SSPN: variants seen among roughly 807,000 people sequenced by gnomAD.
SSPN encodes the protein K-ras oncogene-associated protein.
In SSPN, 15 loss-of-function variants were observed where a neutral mutation model predicts 19.1. The observed-to-expected ratio is 0.78, with a 90% CI of 0.52 to 1.21. SSPN has a LOEUF of 1.21. Among genes scored for constraint, SSPN ranks in the 50% most tolerant of loss-of-function variants. The pLI is 0.00. For synonymous variants in SSPN, 147 were observed against 140.3 expected, an observed-to-expected ratio of 1.05 and a Z score of -0.34; for missense variants, 291 against 314.0, an observed-to-expected ratio of 0.93 and a Z score of 0.55.
At chr12:26,122,593 CG>C in intron 1 of SSPN, 1 of 1,115,322 alleles carries the variant, frequency 9.0e-7, no homozygotes, top group Non-Finnish European at 1.1e-6. Flanking sequence ...GCGGCAGGGT[CG>C]GGCCCCAGAA....
intron 1 of SSPN, chr12:26,125,388 GC>G (rs1944355631): frequency 6.0e-6 from 1 of 167,324 alleles, no homozygotes; most frequent in African/African-American, 2.4e-5. Context: ...TGTGAACGTG[GC>G]TTTTTGCTTT....
rs35687239 is a variant in SSPN at position 26,138,656 on chromosome 12, A to G, written c.-31+16504A>G. Among the ~76,000 whole-genome samples, 4 of 152,140 alleles carry G rather than the reference A, an allele frequency of 2.6e-5. No homozygotes were observed. In the South Asian group the frequency reaches 6.2e-4, roughly 24 times the overall value. ...CATGTTAGTGACTATCACATTGCACAAGGAAAGTCTAGATGCTTTTATTAG... is the reference window on the plus strand; with the variant it reads ...CATGTTAGTGACTATCACATTGCACGAGGAAAGTCTAGATGCTTTTATTAG... On this transcript the variant is annotated intron_variant, in intron 1 of 2. Transcript: ENST00000538142.
chr12:26,127,416 C>T (rs1355883046), intron 1 of SSPN, among the ~76,000 whole-genome samples: 1 of 152,158 alleles, frequency 6.6e-6, no homozygotes, highest in African/African-American at 2.4e-5. Flanking sequence ...ACACATGAAG[C>T]TTTTTTCTGT....
At chr12:26,122,483 C>T (rs1430536996) in intron 1 of SSPN, 2 of 1,331,952 alleles carry the variant, frequency 1.5e-6, no homozygotes, top group African/African-American at 1.5e-5. Flanking sequence ...AGAAGGGGGC[C>T]GCGGCGGCCG....
At chr12:26,130,992 A>G (rs1019286719) in intron 1 of SSPN, among the ~76,000 whole-genome samples, 1 of 151,964 alleles carries the variant, frequency 6.6e-6, no homozygotes, top group African/African-American at 2.4e-5. Flanking sequence ...CCACAGCAAT[A>G]TAGGGGTTCT....
At chr12:26,226,867 A>G (rs539685978) in intron 2 of SSPN, among the ~76,000 whole-genome samples, 1 of 152,176 alleles carries the variant, frequency 6.6e-6, no homozygotes, top group African/African-American at 2.4e-5. Context: ...AGGTAATTAA[A>G]TTGGAGCAGA....
At chr12:26,210,310 T>C (rs1190877560) in intron 1 of SSPN, among the ~76,000 whole-genome samples, 3 of 152,106 alleles carry the variant, frequency 2.0e-5, no homozygotes, top group African/African-American at 4.8e-5. Context: ...AATATACTAA[T>C]AATACACCTA....
chr12:26,128,695 AG>A (rs1944380606), intron 1 of SSPN, among the ~76,000 whole-genome samples: 1 of 152,360 alleles, frequency 6.6e-6, no homozygotes, highest in South Asian at 2.1e-4. Flanking sequence ...TCCTGCTGAA[AG>A]CCAAGAAGAT....
intron 1 of SSPN, among the ~76,000 whole-genome samples, chr12:26,137,654 A>ATT (rs1269817874): frequency 2.2e-4 from 12 of 55,034 alleles, no homozygotes; most frequent in East Asian, 4.6e-4. Flanking sequence ...ATATATATAT[A>ATT]TATTTTTTTT....
Position 26,231,105 on chromosome 12 carries a change from T to G in SSPN, c.*29T>G, listed in dbSNP as rs774592083. The G allele has an allele frequency of 6.3e-6, 10 of 1,593,838 alleles. No individual in the cohort carries two copies. In the Admixed American group the frequency reaches 1.7e-4, roughly 27 times the overall value. On this transcript the variant is annotated 3_prime_UTR_variant, in exon 3 of 3. Transcript: ENST00000242729. Reference sequence around the variant, plus strand: ...TCTTGCTCAAAGTTGCGAGAGAAAGTAGCACATGGAGTAGCTGAGGTTAAA... The same window carrying G: ...TCTTGCTCAAAGTTGCGAGAGAAAGGAGCACATGGAGTAGCTGAGGTTAAA...
At chr12:26,211,233 A>G (rs1944982814) in intron 1 of SSPN, 1 of 152,200 alleles carries the variant, frequency 6.6e-6, no homozygotes, top group Admixed American at 6.5e-5. Context: ...TATAACTGCA[A>G]GAATTCCCAG....
intron 1 of SSPN, among the ~76,000 whole-genome samples, chr12:26,184,541 C>T (rs1328845290): frequency 6.6e-6 from 1 of 152,164 alleles, no homozygotes; most frequent in Non-Finnish European, 1.5e-5. Context: ...TTTTTATTTA[C>T]ATACATCTGA....
At chr12:26,200,998 G>A (rs1944871844) in intron 1 of SSPN, among the ~76,000 whole-genome samples, 1 of 81,748 alleles carries the variant, frequency 1.2e-5, no homozygotes, top group East Asian at 3.0e-4. Flanking sequence ...TCTGGCAAAA[G>A]AAGTTAATTT....
At chr12:26,183,478 T>C (rs7958409) in intron 1 of SSPN, among the ~76,000 whole-genome samples, 41,223 of 152,120 alleles carry the variant, frequency 0.27, 5,804 homozygotes, top group East Asian at 0.35. Context: ...AATGAATATA[T>C]GGAAATCTGA....
chr12:26,138,808 G>T (rs887597920), intron 1 of SSPN, among the ~76,000 whole-genome samples: 1 of 151,846 alleles, frequency 6.6e-6, no homozygotes, highest in Non-Finnish European at 1.5e-5. Flanking sequence ...ATCAATGATC[G>T]AGCATAAATT....
intron 1 of SSPN, among the ~76,000 whole-genome samples, chr12:26,175,668 C>T (rs1944678993): frequency 1.3e-5 from 2 of 152,054 alleles, no homozygotes; most frequent in South Asian, 4.1e-4. Flanking sequence ...AATAAACCAA[C>T]ATTTGAAAAA....
At chr12:26,225,195 A>G (rs1431362125) in intron 2 of SSPN, among the ~76,000 whole-genome samples, 1 of 152,016 alleles carries the variant, frequency 6.6e-6, no homozygotes, top group Non-Finnish European at 1.5e-5. Context: ...TTTTTTGTTC[A>G]CTACAATGAG....
chr12:26,151,142 T>A (rs1398646797), intron 1 of SSPN, among the ~76,000 whole-genome samples: 3 of 152,200 alleles, frequency 2.0e-5, no homozygotes, highest in Non-Finnish European at 2.9e-5. Context: ...TGACTGTTCC[T>A]TCTCTCAGAG....
At chr12:26,200,513 C>G (rs1361519319) in intron 1 of SSPN, among the ~76,000 whole-genome samples, 1 of 151,946 alleles carries the variant, frequency 6.6e-6, no homozygotes, top group African/African-American at 2.4e-5. Context: ...AAATAAGGAA[C>G]AAATATAGTT....
Sources: allele counts gnomAD v4.1 joint callset (sites outside exome capture counted in the v4.1 genomes callset), GRCh38; gene constraint gnomAD v4.1.1; transcripts MANE v1.5; gene names NCBI Gene and HGNC (gene_info 2026-07-23, HGNC 2026-07-21).